STAT3: variants seen among roughly 807,000 people sequenced by gnomAD.
The protein encoded by STAT3 is signal transducer and activator of transcription 3.
Under a neutral mutation model 114.3 loss-of-function variants are expected in STAT3, and 7 were observed. The ratio of observed to expected loss-of-function variants is 0.06; its 90% confidence interval spans 0.03 to 0.11. The LOEUF (loss-of-function observed/expected upper bound fraction) is 0.11, where lower values mean the gene tolerates loss of function less well. STAT3 is among the 10% of genes least tolerant of loss of function. STAT3 has a pLI of 1.00. For synonymous variants in STAT3, 331 were observed against 354.5 expected, an observed-to-expected ratio of 0.93 and a Z score of 0.74; for missense variants, 364 against 960.9, an observed-to-expected ratio of 0.38 and a Z score of 8.21.
chr17:42,330,122 C>T (rs868645125), intron 11 of STAT3, among the ~76,000 whole-genome samples: 27 of 145,128 alleles, frequency 1.9e-4, no homozygotes, highest in African/African-American at 6.0e-4. Context: ...TTTCTTTTTT[C>T]TTTTTTTTTT....
intron 1 of STAT3, among the ~76,000 whole-genome samples, chr17:42,350,483 C>T (rs1225528433): frequency 6.6e-6 from 1 of 152,082 alleles, no homozygotes; most frequent in Non-Finnish European, 1.5e-5. Flanking sequence ...ATAGGGTCTT[C>T]ACTGTGTTGC....
At chr17:42,323,817 G>A (rs2081586599) in intron 17 of STAT3, among the ~76,000 whole-genome samples, 192 bp from the exon 18 acceptor site, 1 of 152,164 alleles carries the variant, frequency 6.6e-6, no homozygotes, top group South Asian at 2.1e-4. Flanking sequence ...ACTCACTTGT[G>A]TTGCTGGGTA....
intron 21 of STAT3, among the ~76,000 whole-genome samples, chr17:42,320,759 G>A (rs2081439760): frequency 6.8e-6 from 1 of 147,438 alleles, no homozygotes; most frequent in Non-Finnish European, 1.5e-5. Context: ...GCCCATCATT[G>A]GCTTTATGAT....
intron 1 of STAT3, among the ~76,000 whole-genome samples, chr17:42,365,632 T>C (rs2083736804): frequency 6.9e-6 from 1 of 144,994 alleles, no homozygotes; most frequent in Non-Finnish European, 1.5e-5. Context: ...GAGGCTTTGC[T>C]GTTAAAGTTT....
Position 42,324,820 on chromosome 17 carries a change from T to C in STAT3, c.1491A>G (p.Pro497=), listed in dbSNP as rs1252064448. 3.1e-6 allele frequency: 5 copies of C among 1,613,994 alleles called. No individual in the cohort carries two copies. The highest frequency in any genetic ancestry group is 2.2e-5 in the East Asian group (1 of 44,884). Residue 497 remains proline, a synonymous_variant, in exon 17 of 24, where the codon CCA becomes CCG. Transcript: ENST00000264657. This position sits in a 1 kb window ranked among gnomAD's most constrained non-coding sequence, Gnocchi z 4.5. The stretch of plus-strand genomic sequence containing the variant: ...CGGCCACTTGATCCCAGGTTCCAAT[T>C]GGGGGCTTGGTAAAAAAGTTTACAT... ...PKNVNFFTKP[P]IGTWDQVAEV...
rs397857989 is a variant in STAT3 at position 42,313,379 on chromosome 17, C to CAAAAAAAAAAAAAAAAAAAAAAAACA, written c.*2365_*2366insTGTTTTTTTTTTTTTTTTTTTTTTTT. The CAAAAAAAAAAAAAAAAAAAAAAAACA allele has an allele frequency of 2.2e-4, 18 of 82,970 alleles. No individual in the cohort carries two copies. Among genetic ancestry groups the CAAAAAAAAAAAAAAAAAAAAAAAACA allele is most frequent in the Admixed American group, 3.2e-4 (2 of 6,302 alleles). The allele number at this position is 82,970 out of a possible 1,614,324, so 5.1% of individuals were successfully genotyped here. The stretch of plus-strand genomic sequence containing the variant: ...AGTTAAAGTAGATACAGCAATATAC[C>CAAAAAAAAAAAAAAAAAAAAAAAACA]AAAAAAAAAAAAAAAAAAAAAAGAC... On this transcript the variant is annotated 3_prime_UTR_variant, in exon 24 of 24. Transcript: ENST00000264657.
At chr17:42,343,618 C>A (rs1200399664) in intron 4 of STAT3, among the ~76,000 whole-genome samples, 1 of 151,992 alleles carries the variant, frequency 6.6e-6, no homozygotes, top group East Asian at 1.9e-4. Context: ...CCACACCCAG[C>A]TAATTTTTGT....
At chr17:42,332,838 CAA>C (rs927814098) in intron 10 of STAT3, among the ~76,000 whole-genome samples, 2 of 139,416 alleles carry the variant, frequency 1.4e-5, no homozygotes. Context: ...GACTCTGTCT[CAA>C]AAAAAAAAAA....
In STAT3 at chr17:42,356,357, AG is replaced by A. The variant is rs533071070; in HGVS notation, c.-23-7819del. ...GTGACCCCAGCACTTTGGGAGGCTG[AG>A]GGGGGAGGATCACTTGAGGCCAGGA... is the stretch of plus-strand genomic sequence containing the variant. On this transcript the variant is annotated intron_variant, in intron 1 of 23. Coordinates refer to ENST00000264657, the MANE Select transcript of STAT3 (RefSeq NM_139276.3). Among the ~76,000 whole-genome samples, 39 of 152,096 alleles carry A rather than the reference AG, an allele frequency of 2.6e-4. 1 individual carries two copies. In the East Asian group the frequency reaches 7.3e-3, roughly 29 times the overall value.
In STAT3 at chr17:42,324,356, C is replaced by A. The variant is rs17880538; in HGVS notation, c.1600+355G>T. Among the ~76,000 whole-genome samples the A allele has an allele frequency of 5.3e-3, 800 of 151,980 alleles. 4 individuals carry two copies. Among genetic ancestry groups the A allele is most frequent in the Middle Eastern group, 0.014 (4 of 294 alleles). Reference sequence around the variant, plus strand: ...AATAAATAAAATAAGACAAAAAAAACCAACTAGCCTATAGTTTATTAAAAA... The same window carrying A: ...AATAAATAAAATAAGACAAAAAAAAACAACTAGCCTATAGTTTATTAAAAA... On this transcript the variant is annotated intron_variant, in intron 17 of 23. Transcript: ENST00000264657. The surrounding 1 kb of genome is among the most constrained non-coding windows in gnomAD (Gnocchi z 4.5).
chr17:42,328,555 G>C (rs1316518267), intron 14 of STAT3, among the ~76,000 whole-genome samples: 1 of 152,138 alleles, frequency 6.6e-6, no homozygotes, highest in Non-Finnish European at 1.5e-5. Flanking sequence ...CTACAGGCGT[G>C]CACCACCACA....
intron 1 of STAT3, among the ~76,000 whole-genome samples, chr17:42,381,401 T>A (rs2084785900): frequency 6.6e-6 from 1 of 152,130 alleles, no homozygotes; most frequent in Non-Finnish European, 1.5e-5. Flanking sequence ...CAGATTTACC[T>A]TCCTTATTAT....
At chr17:42,367,196 CG>C (rs1376340976) in intron 1 of STAT3, among the ~76,000 whole-genome samples, 3 of 151,006 alleles carry the variant, frequency 2.0e-5, no homozygotes, top group Non-Finnish European at 3.0e-5. Flanking sequence ...AGAAATTCGC[CG>C]GCATGGTGGC....
chr17:42,329,077 C>T (rs1395006093), intron 14 of STAT3, among the ~76,000 whole-genome samples: 1 of 152,152 alleles, frequency 6.6e-6, no homozygotes, highest in Non-Finnish European at 1.5e-5. Context: ...GCAGGGTCAG[C>T]CGCAGGAGCT....
chr17:42,334,479 C>G (rs1165787900), intron 8 of STAT3, among the ~76,000 whole-genome samples: 4 of 123,922 alleles, frequency 3.2e-5, no homozygotes, highest in African/African-American at 1.2e-4. Context: ...GAGTCTTACT[C>G]TGTTGCCCAG....
chr17:42,358,372 C>A (rs550847687), intron 1 of STAT3, among the ~76,000 whole-genome samples: 1 of 152,120 alleles, frequency 6.6e-6, no homozygotes, highest in Non-Finnish European at 1.5e-5. Context: ...CATACCACTG[C>A]GCTCCAGCCT....
chr17:42,346,966 A>T (rs1234184400), intron 2 of STAT3, among the ~76,000 whole-genome samples: 1 of 152,124 alleles, frequency 6.6e-6, no homozygotes, highest in Non-Finnish European at 1.5e-5. Flanking sequence ...AGGCAGGCGG[A>T]TCACCTGAGG....
intron 1 of STAT3, among the ~76,000 whole-genome samples, chr17:42,364,730 G>A (rs895593476): frequency 6.6e-6 from 1 of 152,194 alleles, no homozygotes; most frequent in Non-Finnish European, 1.5e-5. Context: ...TGATCTGCCT[G>A]CCTTGGCCTC....
chr17:42,315,663 C>CT lies in STAT3; in HGVS notation c.*81dup. 1.0e-5 allele frequency: 14 copies of CT among 1,395,562 alleles called. No individual in the cohort carries two copies. Among genetic ancestry groups the CT allele is most frequent in the Non-Finnish European group, 1.4e-5 (14 of 981,132 alleles). 86.4% of individuals were successfully genotyped at this position (1,395,562 alleles called of 1,614,324 possible). A position where few individuals can be genotyped will look rare whatever the true frequency, so the allele number is the denominator to read the frequency against. ...CACAAAGTTAGTAGTTTCAGATGATCTGGGGTTTGGCTGTGTGAGGGGTGG... is the reference window on the plus strand; with the variant it reads ...CACAAAGTTAGTAGTTTCAGATGATCTTGGGGTTTGGCTGTGTGAGGGGTGG... On this transcript the variant is annotated 3_prime_UTR_variant, in exon 24 of 24. Coordinates refer to ENST00000264657, the MANE Select transcript of STAT3 (RefSeq NM_139276.3).
Sources: gnomAD v4.1 joint callset for allele counts (sites outside exome capture counted in the v4.1 genomes callset) on GRCh38, gnomAD v4.1.1 for gene constraint, Gnocchi (gnomAD v3.1) non-coding constraint, MANE v1.5 for transcripts, NCBI Gene and HGNC (gene_info 2026-07-23, HGNC 2026-07-21) for gene names.